Variants in RFX3 observed in about 807,000 individuals in gnomAD.
The protein encoded by RFX3 is transcription factor RFX3.
Under a neutral mutation model 98.6 loss-of-function variants are expected in RFX3, and 14 were observed. The observed-to-expected ratio is 0.14, with a 90% CI of 0.09 to 0.22. The LOEUF (loss-of-function observed/expected upper bound fraction) is 0.22. RFX3 is among the 10% of genes least tolerant of loss of function. The probability of loss-of-function intolerance (pLI) is 1.00; values close to 1 mark genes in which losing one functional copy is unlikely to be tolerated. For missense variants in RFX3, 639 were observed against 926.9 expected (o/e 0.69, Z 4.03); for synonymous variants, 383 against 328.4 (o/e 1.17, Z -1.80).
At chr9:3,285,396 TAAG>T (rs1265134891) in intron 7 of RFX3, among the ~76,000 whole-genome samples, 2 of 151,852 alleles carry the variant, frequency 1.3e-5, no homozygotes, top group Admixed American at 6.6e-5. Flanking sequence ...AATATATTTT[TAAG>T]AAGTTCTTTT....
intron 1 of RFX3, among the ~76,000 whole-genome samples, chr9:3,470,876 T>C (rs1478196559): frequency 6.6e-6 from 1 of 152,228 alleles, no homozygotes; most frequent in African/African-American, 2.4e-5. Context: ...CTTCTAGCAT[T>C]CTAACATTCT....
intron 1 of RFX3, among the ~76,000 whole-genome samples, chr9:3,498,711 C>T (rs1238955497): frequency 1.3e-5 from 2 of 152,044 alleles, no homozygotes; most frequent in African/African-American, 4.8e-5. Flanking sequence ...AAGAAGGTTG[C>T]CCATTTTTGA....
At chr9:3,314,298 A>C (rs1463660227) in intron 4 of RFX3, among the ~76,000 whole-genome samples, 1 of 152,194 alleles carries the variant, frequency 6.6e-6, no homozygotes, top group Non-Finnish European at 1.5e-5. Context: ...AGAGAAAAAA[A>C]ATCCATTACA....
chr9:3,416,188 C>T lies in RFX3; in HGVS notation c.-8-20592G>A, dbSNP rs533689771. ...AATTTAACTAGGTGCTTTATAAATACTATCCCAGTTAATTTTGACAATCAA... is the reference window on the plus strand; with the variant it reads ...AATTTAACTAGGTGCTTTATAAATATTATCCCAGTTAATTTTGACAATCAA... On this transcript the variant is annotated intron_variant, in intron 1 of 16. Coordinates refer to ENST00000617270, the MANE Select transcript of RFX3 (RefSeq NM_001282116.2). Among the ~76,000 whole-genome samples the T allele has an allele frequency of 9.9e-5, 15 of 152,240 alleles. No individual in the cohort carries two copies. The East Asian group carries it at 1.7e-3, about 18-fold the overall frequency.
At chr9:3,346,868 G>C (rs1335286978) in intron 2 of RFX3, 104 bp from the exon 3 acceptor site, 2 of 719,472 alleles carry the variant, frequency 2.8e-6, no homozygotes, top group African/African-American at 3.5e-5. Context: ...TGATAAATTT[G>C]AGAAAGACTG....
At chr9:3,249,489 T>C (rs558715375) in intron 14 of RFX3, among the ~76,000 whole-genome samples, 18 of 152,272 alleles carry the variant, frequency 1.2e-4, no homozygotes, top group African/African-American at 3.4e-4. Flanking sequence ...AGTTAAAGGA[T>C]GTGAAATCAA....
intron 6 of RFX3, among the ~76,000 whole-genome samples, chr9:3,288,645 A>T (rs1391260582): frequency 6.6e-6 from 1 of 152,064 alleles, no homozygotes; most frequent in Non-Finnish European, 1.5e-5. Context: ...AAATTAGTCA[A>T]TGGAATACGT....
intron 1 of RFX3, chr9:3,469,098 G>A (rs559199399): frequency 3.9e-5 from 16 of 412,112 alleles, no homozygotes; most frequent in East Asian, 3.7e-4. Flanking sequence ...CAGACTATTG[G>A]TTACAATGAA....
chr9:3,334,674 G>A (rs1173635412), intron 3 of RFX3, among the ~76,000 whole-genome samples: 1 of 152,164 alleles, frequency 6.6e-6, no homozygotes, highest in East Asian at 1.9e-4. Flanking sequence ...CTGGGGTAAA[G>A]AGTAGCAATT....
intron 4 of RFX3, among the ~76,000 whole-genome samples, chr9:3,320,285 G>C (rs187360453): frequency 1.3e-5 from 2 of 152,038 alleles, no homozygotes; most frequent in African/African-American, 4.8e-5. Context: ...GGGCGTGGTG[G>C]CTCACGCCTG....
intron 4 of RFX3, among the ~76,000 whole-genome samples, chr9:3,306,469 G>T (rs1477756357): frequency 6.6e-6 from 1 of 151,758 alleles, no homozygotes; most frequent in Non-Finnish European, 1.5e-5. Context: ...TTAAATAATT[G>T]AATATTACTG....
intron 1 of RFX3, among the ~76,000 whole-genome samples, chr9:3,434,251 A>G (rs1439779023): frequency 6.6e-6 from 1 of 152,266 alleles, no homozygotes; most frequent in East Asian, 1.9e-4. Flanking sequence ...CACGTAATAA[A>G]GCACTCAATA....
At chr9:3,413,691 A>C (rs1842652981) in intron 1 of RFX3, among the ~76,000 whole-genome samples, 1 of 152,100 alleles carries the variant, frequency 6.6e-6, no homozygotes, top group South Asian at 2.1e-4. Flanking sequence ...CTAACAGTTC[A>C]TTGCTTTAAC....
At chr9:3,501,702 C>T (rs915893928) in intron 1 of RFX3, among the ~76,000 whole-genome samples, 1 of 151,346 alleles carries the variant, frequency 6.6e-6, no homozygotes, top group Non-Finnish European at 1.5e-5. Context: ...GATTACAAGG[C>T]ATGTATCACC....
chr9:3,307,579 G>A (rs914793840), intron 4 of RFX3, among the ~76,000 whole-genome samples: 1 of 152,096 alleles, frequency 6.6e-6, no homozygotes, highest in Non-Finnish European at 1.5e-5. Flanking sequence ...AAGGGAGAAG[G>A]CTTGGTAGTG....
intron 4 of RFX3, among the ~76,000 whole-genome samples, chr9:3,319,915 T>A (rs1043782827): frequency 2.6e-5 from 4 of 152,048 alleles, no homozygotes; most frequent in African/African-American, 9.7e-5. Flanking sequence ...CAACTTTCAT[T>A]CCAAAATGTT....
chr9:3,424,588 C>T (rs573173228), intron 1 of RFX3, among the ~76,000 whole-genome samples: 1 of 151,760 alleles, frequency 6.6e-6, no homozygotes. Flanking sequence ...TCTCGATCTC[C>T]TGACCTCGTG....
In RFX3 at chr9:3,500,291, T is replaced by C. The variant is rs999488796; in HGVS notation, c.-9+25456A>G. 4.6e-5 allele frequency among the ~76,000 whole-genome samples: 7 copies of C among 151,576 alleles called. No individual in the cohort carries two copies. The South Asian group carries it at 1.3e-3, about 27-fold the overall frequency. On this transcript the variant is annotated intron_variant, in intron 1 of 16. Transcript: ENST00000617270. ...GCAAAGCACAGCACAGCAGAGCAAATGGGAGAAAAGAGGTAGAAGAAAATG... is the reference window on the plus strand; with the variant it reads ...GCAAAGCACAGCACAGCAGAGCAAACGGGAGAAAAGAGGTAGAAGAAAATG...
At chr9:3,516,890 G>A (rs1818234222) in intron 1 of RFX3, among the ~76,000 whole-genome samples, 1 of 152,224 alleles carries the variant, frequency 6.6e-6, no homozygotes, top group South Asian at 2.1e-4. Context: ...AGGAGCTCAA[G>A]CTGTGAGACT....
Sources: gnomAD v4.1 joint callset for allele counts (sites outside exome capture counted in the v4.1 genomes callset) on GRCh38, gnomAD v4.1.1 for gene constraint, MANE v1.5 for transcripts, NCBI Gene and HGNC (gene_info 2026-07-23, HGNC 2026-07-21) for gene names.